The following TAFA4 variants were observed in gnomAD, a reference collection of about 807,000 sequenced individuals.
The protein encoded by TAFA4 is chemokine-like protein TAFA-4.
Under a neutral mutation model 21.1 loss-of-function variants are expected in TAFA4, and 20 were observed. The ratio of observed to expected loss-of-function variants is 0.95; its 90% CI spans 0.67 to 1.38. The LOEUF (loss-of-function observed/expected upper bound fraction) is 1.38. Among genes scored for constraint, TAFA4 ranks in the 40% most tolerant of loss-of-function variants. The pLI is 0.00. For missense variants in TAFA4, 211 were observed against 180.9 expected (o/e 1.17, Z -0.95); for synonymous variants, 71 against 67.4 (o/e 1.05, Z -0.26).
chr3:68,778,205 T>C (rs1703083623), intron 3 of TAFA4, among the ~76,000 whole-genome samples: 1 of 152,154 alleles, frequency 6.6e-6, no homozygotes, highest in Non-Finnish European at 1.5e-5. Flanking sequence ...ATGAAAAATA[T>C]ATACCATGCA....
intron 3 of TAFA4, among the ~76,000 whole-genome samples, chr3:68,852,184 T>C (rs1474892604): frequency 6.6e-6 from 1 of 151,844 alleles, no homozygotes; most frequent in Non-Finnish European, 1.5e-5. Context: ...AAGAAGGAGA[T>C]CTGTAGGACC....
intron 4 of TAFA4, among the ~76,000 whole-genome samples, chr3:68,748,073 G>T (rs1176290349): frequency 1.3e-5 from 2 of 152,110 alleles, no homozygotes; most frequent in Non-Finnish European, 2.9e-5. Context: ...TTCTCCCTTT[G>T]AGTCCTTCAT....
chr3:68,914,170 C>T (rs73835367), intron 1 of TAFA4, among the ~76,000 whole-genome samples: 6,126 of 152,118 alleles, frequency 0.04, 417 homozygotes, highest in African/African-American at 0.14. Context: ...ATTCTTACAA[C>T]GAAATACTAT....
chr3:68,840,526 G>C (rs1197537597), intron 3 of TAFA4, among the ~76,000 whole-genome samples: 1 of 152,110 alleles, frequency 6.6e-6, no homozygotes, highest in Non-Finnish European at 1.5e-5. Flanking sequence ...CCACTTACTA[G>C]TTTTAGAAAA....
At chr3:68,860,463 A>G (rs2089322147) in intron 3 of TAFA4, among the ~76,000 whole-genome samples, 1 of 152,134 alleles carries the variant, frequency 6.6e-6, no homozygotes, top group Non-Finnish European at 1.5e-5. Context: ...CAGCTATAAT[A>G]ATCTTAGTTA....
intron 3 of TAFA4, among the ~76,000 whole-genome samples, chr3:68,853,011 C>T (rs1399382760): frequency 1.3e-5 from 2 of 152,152 alleles, no homozygotes; most frequent in African/African-American, 4.8e-5. Context: ...AAACTCTTCT[C>T]TCTTCTCAGG....
At chr3:68,931,015 G>A (rs929960610) in intron 1 of TAFA4, among the ~76,000 whole-genome samples, 9 of 152,202 alleles carry the variant, frequency 5.9e-5, no homozygotes, top group African/African-American at 1.9e-4. Flanking sequence ...GCCAAACGAA[G>A]ATGCGTGTGA....
rs1473852483 is a variant in TAFA4 at position 68,732,558 on chromosome 3, C to A, written c.*584G>T. 1 of 152,374 alleles carries A rather than the reference C, an allele frequency of 6.6e-6. No individual in the cohort carries two copies. Among genetic ancestry groups the A allele is most frequent in the Non-Finnish European group, 1.5e-5 (1 of 67,960 alleles). The allele number at this position is 152,374 out of a possible 1,614,324, so 9.4% of individuals were successfully genotyped here. A position where few individuals can be genotyped will look rare whatever the true frequency, so the allele number is the denominator to read the frequency against. ...CAAAAAAAAAATAGAAGTAAAAATA[C>A]AATGCACACACAATAATCCAACTAT... On this transcript the variant is annotated 3_prime_UTR_variant, in exon 6 of 6. Transcript: ENST00000295569.
At chr3:68,811,866 C>A (rs7618496) in intron 3 of TAFA4, among the ~76,000 whole-genome samples, 1 of 151,606 alleles carries the variant, frequency 6.6e-6, no homozygotes. Context: ...CCAAGACACA[C>A]AATTGTCAGA....
chr3:68,820,394 C>T (rs1319020028), intron 3 of TAFA4, among the ~76,000 whole-genome samples: 1 of 152,028 alleles, frequency 6.6e-6, no homozygotes, highest in East Asian at 1.9e-4. Flanking sequence ...TTAAAAATTG[C>T]TAGGCTGGGC....
At chr3:68,859,179 T>C (rs1023626588) in intron 3 of TAFA4, among the ~76,000 whole-genome samples, 5 of 152,152 alleles carry the variant, frequency 3.3e-5, no homozygotes, top group African/African-American at 4.8e-5. Context: ...ACAAAACATA[T>C]CTGTGGGCCT....
rs150207247 is a variant in TAFA4, at chr3:68,790,579, C to T, written c.131-37561G>A. On this transcript the variant is annotated intron_variant, in intron 3 of 5. Coordinates refer to ENST00000295569, the MANE Select transcript of TAFA4 (RefSeq NM_182522.5). ...GTATACTCAAATGAGTCATGTTATACAGTAAGTTCTCAGGTAGAAGGTCAG... is the reference window on the plus strand; with the variant it reads ...GTATACTCAAATGAGTCATGTTATATAGTAAGTTCTCAGGTAGAAGGTCAG... Among the ~76,000 whole-genome samples, 18 of 152,246 alleles carry T rather than the reference C, an allele frequency of 1.2e-4. No individual in the cohort carries two copies. In the East Asian group the frequency reaches 3.1e-3, roughly 26 times the overall value.
Position 68,731,773 on chromosome 3 carries a change from A to C in TAFA4, c.*1369T>G, listed in dbSNP as rs1049302457. On this transcript the variant is annotated 3_prime_UTR_variant, in exon 6 of 6. Coordinates refer to ENST00000295569, the MANE Select transcript of TAFA4 (RefSeq NM_182522.5). ...TAATCACAAAAACATGTATGCCATC[A>C]GCAGGATGAATTTTTTTACTTATTC... 8 of 152,124 alleles carry C rather than the reference A, an allele frequency of 5.3e-5. No individual in the cohort carries two copies. The highest frequency in any genetic ancestry group is 2.1e-4 in the South Asian group (1 of 4,834). 9.4% of individuals were successfully genotyped at this position (152,124 alleles called of 1,614,324 possible). A position where few individuals can be genotyped will look rare whatever the true frequency, so the allele number is the denominator to read the frequency against.
chr3:68,915,581 A>C (rs532408817), intron 1 of TAFA4, among the ~76,000 whole-genome samples: 1 of 152,262 alleles, frequency 6.6e-6, no homozygotes, highest in African/African-American at 2.4e-5. Context: ...TGGAAGATGA[A>C]TTTTCCCACC....
intron 1 of TAFA4, among the ~76,000 whole-genome samples, chr3:68,888,877 T>A (rs1310312887): frequency 6.6e-6 from 1 of 152,064 alleles, no homozygotes; most frequent in Non-Finnish European, 1.5e-5. Context: ...ATCCTACCTC[T>A]TAATACCATC....
chr3:68,798,303 T>G (rs924483674), intron 3 of TAFA4, among the ~76,000 whole-genome samples: 1 of 152,206 alleles, frequency 6.6e-6, no homozygotes, highest in Non-Finnish European at 1.5e-5. Flanking sequence ...TTAATTGGTG[T>G]TTATAAATCT....
chr3:68,902,929 T>G (rs1454763186), intron 1 of TAFA4, among the ~76,000 whole-genome samples: 4 of 152,144 alleles, frequency 2.6e-5, no homozygotes, highest in Admixed American at 6.6e-5. Context: ...CCAAAGTATT[T>G]TCAATCTAAT....
At chr3:68,819,274 TAAAAA>T (rs59090610) in intron 3 of TAFA4, among the ~76,000 whole-genome samples, 30,084 of 109,828 alleles carry the variant, frequency 0.27, 4,654 homozygotes, top group East Asian at 0.81. Flanking sequence ...TGTCTTTAAT[TAAAAA>T]AAAAAAAAAA....
intron 3 of TAFA4, among the ~76,000 whole-genome samples, chr3:68,775,170 C>A (rs769724829): frequency 1.4e-4 from 22 of 152,154 alleles, no homozygotes; most frequent in Non-Finnish European, 2.9e-4. Flanking sequence ...CTTATGTGAG[C>A]TGGGAGCCTC....
Sources: gnomAD v4.1 joint callset for allele counts (sites outside exome capture counted in the v4.1 genomes callset) on GRCh38, gnomAD v4.1.1 for gene constraint, MANE v1.5 for transcripts, NCBI Gene and HGNC (gene_info 2026-07-23, HGNC 2026-07-21) for gene names.